The following NT5E variants were observed in gnomAD, a reference collection of about 807,000 sequenced individuals.
NT5E encodes the protein 5'-nucleotidase ecto.
In NT5E, 53 loss-of-function variants were observed where a neutral mutation model predicts 55.1. That is an observed-to-expected ratio of 0.96 (90% CI 0.77 to 1.21). NT5E has a LOEUF of 1.21. Ranked by LOEUF, NT5E falls within the 50% of genes most tolerant of loss-of-function variation. The pLI is 0.00. For synonymous variants in NT5E, 270 were observed against 278.4 expected (o/e 0.97, Z 0.30); for missense variants, 683 against 724.3 (o/e 0.94, Z 0.65).
chr6:85,455,806 T>C (rs953230323), intron 1 of NT5E, among the ~76,000 whole-genome samples: 1 of 152,146 alleles, frequency 6.6e-6, no homozygotes, highest in African/African-American at 2.4e-5. Context: ...GGACACTCAG[T>C]TTGTGTTTTC....
chr6:85,490,371 C>T (rs2127725519), intron 6 of NT5E, 137 bp from the exon 7 acceptor site: 2 of 1,017,890 alleles, frequency 2.0e-6, no homozygotes, highest in Admixed American at 1.8e-5. Flanking sequence ...TCAGGAACCA[C>T]TTAGACATAG....
chr6:85,482,940 C>A (rs1308554583), intron 3 of NT5E, among the ~76,000 whole-genome samples: 2 of 152,196 alleles, frequency 1.3e-5, no homozygotes, highest in East Asian at 3.9e-4. Flanking sequence ...GCCCCAGCTG[C>A]ATGGATAGCA....
At chr6:85,489,664 G>T (rs951739484) in intron 6 of NT5E, 65 bp downstream of exon 6, 1 of 1,223,942 alleles carries the variant, frequency 8.2e-7, no homozygotes, top group Non-Finnish European at 1.2e-6. Flanking sequence ...TTCTGTTATG[G>T]TTCTTGCCCT....
Position 85,493,752 on chromosome 6 carries a change from T to A in NT5E, c.1562-89T>A, listed in dbSNP as rs542488353. On this transcript the variant is annotated intron_variant, in intron 8 of 8. Transcript: ENST00000257770. ...GACACTTTACCCCTGCTTATGAAAT[T>A]GCTTCCCTTTTATAATTACAAAGGA... 7 of 1,096,910 alleles carry A rather than the reference T, an allele frequency of 6.4e-6. No homozygotes were observed. In the East Asian group the frequency reaches 7.1e-5, roughly 11 times the overall value. The allele number at this position is 1,096,910 out of a possible 1,614,324, so 67.9% of individuals were successfully genotyped here. A position where few individuals can be genotyped will look rare whatever the true frequency, so the allele number is the denominator to read the frequency against.
Position 85,485,268 on chromosome 6 carries a change from A to C in NT5E, c.785A>C (p.Lys262Thr), listed in dbSNP as rs1023160371. The C allele has an allele frequency of 1.2e-6, 2 of 1,614,084 alleles. No individual in the cohort carries two copies. The highest frequency in any genetic ancestry group is 2.7e-5 in the African/African-American group (2 of 74,936). Residue 262 changes from lysine (K) to threonine (T), a missense_variant, in exon 4 of 9, where the codon AAG (lysine) becomes ACG (threonine). By Grantham distance (78) the Lys-to-Thr change is moderately conservative. Coordinates refer to ENST00000257770, the MANE Select transcript of NT5E (RefSeq NM_002526.4). ...NPPSKEVPAG[K>T]YPFIVTSDDG... ...CCTTCCAAAGAGGTGCCTGCTGGGA[A>C]GTACCCATTCATAGTCACTTCTGAT...
At chr6:85,490,431 C>T (rs41271619) in intron 6 of NT5E, 77 bp from the exon 7 acceptor site, 26,226 of 1,527,280 alleles carry the variant, frequency 0.017, 267 homozygotes, top group Non-Finnish European at 0.02. Context: ...CTTCCCCCAG[C>T]GCTGAGGGAA....
At chr6:85,466,963 A>C (rs1769207612) in intron 1 of NT5E, 97 bp from the exon 2 acceptor site, 6 of 1,149,466 alleles carry the variant, frequency 5.2e-6, no homozygotes, top group Non-Finnish European at 7.7e-6. Flanking sequence ...AAAATCATGC[A>C]ATATGTCTCA....
At chr6:85,466,346 A>G (rs140513321) in intron 1 of NT5E, among the ~76,000 whole-genome samples, 1 of 152,316 alleles carries the variant, frequency 6.6e-6, no homozygotes, top group Non-Finnish European at 1.5e-5. Flanking sequence ...GAGCAGGTAC[A>G]GAACCCGCTG....
At chr6:85,492,337 A>G (rs1005456693) in intron 8 of NT5E, among the ~76,000 whole-genome samples, 160 bp downstream of exon 8, 1 of 152,204 alleles carries the variant, frequency 6.6e-6, no homozygotes, top group African/African-American at 2.4e-5. Flanking sequence ...AGAGAGGAAT[A>G]TGTACCCTGT....
At chr6:85,458,407 G>T (rs1207719372) in intron 1 of NT5E, among the ~76,000 whole-genome samples, 1 of 152,226 alleles carries the variant, frequency 6.6e-6, no homozygotes, top group Non-Finnish European at 1.5e-5. Context: ...GCAGAGAGGT[G>T]CTGGATGACC....
At chr6:85,491,311 T>G (rs1397483077) in intron 7 of NT5E, 1 of 331,128 alleles carries the variant, frequency 3.0e-6, no homozygotes, top group East Asian at 8.4e-5. Context: ...AAAGCAATCT[T>G]ATTTTACCTG....
At chr6:85,477,030 TC>T (rs1562141736) in intron 3 of NT5E, among the ~76,000 whole-genome samples, 1 of 152,192 alleles carries the variant, frequency 6.6e-6, no homozygotes, top group African/African-American at 2.4e-5. Context: ...CCCACCCTTT[TC>T]TACCTAGTAT....
chr6:85,465,243 T>C (rs547143951), intron 1 of NT5E, among the ~76,000 whole-genome samples: 2 of 152,262 alleles, frequency 1.3e-5, no homozygotes, highest in Non-Finnish European at 2.9e-5. Context: ...AACAAATAAA[T>C]GAAAACTATA....
chr6:85,491,952 GA>G, intron 7 of NT5E, 24 bp from the exon 8 acceptor site: 1 of 1,605,884 alleles, frequency 6.2e-7, no homozygotes, highest in Non-Finnish European at 8.5e-7. Flanking sequence ...TGGATCTGGT[GA>G]AAACAGATTC....
intron 4 of NT5E, 132 bp downstream of exon 4, chr6:85,485,564 T>A: frequency 3.2e-6 from 3 of 945,118 alleles, no homozygotes; most frequent in Non-Finnish European, 5.0e-6. Flanking sequence ...GTTTCTTCCT[T>A]GAGTTTGCCC....
chr6:85,462,686 A>C (rs4144166), intron 1 of NT5E, among the ~76,000 whole-genome samples: 26,447 of 151,638 alleles, frequency 0.17, 2,652 homozygotes, highest in African/African-American at 0.28. Flanking sequence ...AAAACTACTC[A>C]CTCCACCTGC....
chr6:85,480,838 T>C (rs1769534030), intron 3 of NT5E, among the ~76,000 whole-genome samples: 1 of 152,200 alleles, frequency 6.6e-6, no homozygotes, highest in Non-Finnish European at 1.5e-5. Context: ...GTTTTACAAA[T>C]TTAGAAAATA....
intron 5 of NT5E, among the ~76,000 whole-genome samples, chr6:85,488,560 T>A (rs1769715593): frequency 6.6e-6 from 1 of 151,680 alleles, no homozygotes; most frequent in African/African-American, 2.4e-5. Flanking sequence ...TTGCTTTTTA[T>A]TTATTTATTT....
chr6:85,458,856 C>T lies in NT5E; in HGVS notation c.340-8204C>T, dbSNP rs566869577. On this transcript the variant is annotated intron_variant, in intron 1 of 8. Coordinates refer to ENST00000257770, the MANE Select transcript of NT5E (RefSeq NM_002526.4). ...TAGAATGCTGTCTATTTGGTACTTGCTCATTCATACATTCTTTCAACAACC... is the reference window on the plus strand; with the variant it reads ...TAGAATGCTGTCTATTTGGTACTTGTTCATTCATACATTCTTTCAACAACC... Among the ~76,000 whole-genome samples the T allele has an allele frequency of 1.8e-4, 28 of 152,288 alleles. 1 individual carries two copies. In the South Asian group the frequency reaches 5.2e-3, roughly 28 times the overall value.
Sources: gnomAD v4.1 joint callset for allele counts (sites outside exome capture counted in the v4.1 genomes callset) on GRCh38, gnomAD v4.1.1 for gene constraint, MANE v1.5 for transcripts, NCBI Gene and HGNC (gene_info 2026-07-23, HGNC 2026-07-21) for gene names.